SYNE2: variants seen among roughly 807,000 people sequenced by gnomAD.
SYNE2 encodes the protein spectrin repeat containing nuclear envelope protein 2.
SYNE2 carries 431 observed loss-of-function variants against 856.3 expected under a neutral mutation model. That is an observed-to-expected ratio of 0.50 (90% CI 0.47 to 0.55). The LOEUF is 0.55. Among genes scored for constraint, SYNE2 ranks in the 20% least tolerant of loss-of-function variants. The probability of loss-of-function intolerance (pLI) is 0.00; values close to 1 mark genes in which losing one functional copy is unlikely to be tolerated. For missense variants in SYNE2, 8,129 were observed against 8,023.2 expected (o/e 1.01, Z -0.50); for synonymous variants, 2,923 against 2,872.3 (o/e 1.02, Z -0.56).
At chr14:64,104,142 G>A (rs2097755959) in intron 64 of SYNE2, among the ~76,000 whole-genome samples, 1 of 152,112 alleles carries the variant, frequency 6.6e-6, no homozygotes, top group Non-Finnish European at 1.5e-5. Context: ...TTTCCTTGGT[G>A]TTCTACTCCC....
intron 11 of SYNE2, among the ~76,000 whole-genome samples, chr14:63,971,657 G>T (rs2096479307): frequency 6.7e-6 from 1 of 150,174 alleles, no homozygotes; most frequent in African/African-American, 2.5e-5. Context: ...TATTTATCTA[G>T]GTATTTCCCA....
chr14:63,866,100 A>G (rs1368477754), intron 1 of SYNE2, among the ~76,000 whole-genome samples: 1 of 152,124 alleles, frequency 6.6e-6, no homozygotes, highest in Non-Finnish European at 1.5e-5. Flanking sequence ...AGCCCCCAAA[A>G]TACATATAAT....
At chr14:64,126,982 A>C (rs945552178) in intron 73 of SYNE2, among the ~76,000 whole-genome samples, 175 bp downstream of exon 73, 2 of 152,184 alleles carry the variant, frequency 1.3e-5, no homozygotes, top group Non-Finnish European at 2.9e-5. Flanking sequence ...GCCCTGGCCG[A>C]GTGCAGTGGC....
Position 64,190,104 on chromosome 14 carries a change from A to T in SYNE2, c.17905A>T (p.Asn5969Tyr). Residue 5969 changes from asparagine (N) to tyrosine (Y), a missense_variant, in exon 99 of 116, where the codon AAC becomes TAC. Around this residue, in one of 3 missense-constraint regions of SYNE2, gnomAD observed 5,410 missense variants for 5,284.8 expected, o/e 1.02. Coordinates refer to ENST00000555002, the MANE Select transcript of SYNE2 (RefSeq NM_182914.3). Reference sequence around the variant, plus strand: ...GGAAGAAATAAACTTGTTTAGTGAAAACAAGTTACAGTTAAAGCAGATGGG... The same window carrying T: ...GGAAGAAATAAACTTGTTTAGTGAATACAAGTTACAGTTAAAGCAGATGGG... ...CMEEINLFSE[N>Y]KLQLKQMGDQ... 1 of 1,614,148 alleles carries T rather than the reference A, an allele frequency of 6.2e-7. No individual in the cohort carries two copies. The highest frequency in any genetic ancestry group is 8.5e-7 in the Non-Finnish European group (1 of 1,180,036).
In SYNE2 at chr14:64,220,626, A is replaced by G. The variant is rs1489141038; in HGVS notation, c.20050A>G (p.Met6684Val). 3.1e-6 allele frequency: 5 copies of G among 1,613,816 alleles called. No individual in the cohort carries two copies. The African/African-American group carries it at 5.3e-5, about 17-fold the overall frequency. Residue 6684 changes from methionine (M) to valine (V), a missense_variant, in exon 111 of 116, where the codon ATG becomes GTG. Physicochemically the swap from Met to Val is conservative, Grantham distance 21 (BLOSUM62 1). Coordinates refer to ENST00000555002, the MANE Select transcript of SYNE2 (RefSeq NM_182914.3). ...GAGAGGGGGCTTACGACAGTCGCTCATGCAGTGCCAGGTACGCTGACTCAG... is the reference window on the plus strand; with the variant it reads ...GAGAGGGGGCTTACGACAGTCGCTCGTGCAGTGCCAGGTACGCTGACTCAG... ...SWRGGLRQSL[M>V]QCQDFHQLSQ... is the part of the protein sequence containing the mutation.
At chr14:64,191,194 T>A in intron 99 of SYNE2, 1 of 311,372 alleles carries the variant, frequency 3.2e-6, no homozygotes, top group Non-Finnish European at 5.7e-6. Context: ...TATTTAAATT[T>A]AATAATTTAA....
At chr14:63,806,102 T>C (rs1027933480) in intron 1 of SYNE2, among the ~76,000 whole-genome samples, 1 of 152,198 alleles carries the variant, frequency 6.6e-6, no homozygotes, top group African/African-American at 2.4e-5. Flanking sequence ...TTCAGTATGA[T>C]GTTGGCTGTG....
chr14:64,209,360 G>A (rs2098628313), intron 101 of SYNE2, 68 bp from the exon 102 acceptor site: 7 of 1,613,254 alleles, frequency 4.3e-6, no homozygotes, highest in Admixed American at 1.7e-5. Context: ...GGTGTCAGGG[G>A]ATAAAAGAAG....
In SYNE2 at chr14:64,071,446, A is replaced by G. The variant is rs984422420; in HGVS notation, c.10697+536A>G. On this transcript the variant is annotated intron_variant, in intron 52 of 115. Transcript: ENST00000555002. ...AAGGCAGAGCTTGCAGTGAGCCGAG[A>G]TCGCGCCACTGCACTCCAGCCTGGG... Among the ~76,000 whole-genome samples, 3 of 152,238 alleles carry G rather than the reference A, an allele frequency of 2.0e-5. No homozygotes were observed. In the East Asian group the frequency reaches 5.8e-4, roughly 29 times the overall value.
intron 76 of SYNE2, among the ~76,000 whole-genome samples, chr14:64,130,863 G>A (rs1171266329): frequency 7.0e-6 from 1 of 143,756 alleles, no homozygotes; most frequent in Non-Finnish European, 1.5e-5. Context: ...CCAGCCTGGC[G>A]ACACAGCAAG....
chr14:64,089,180 A>G (rs981205924), intron 58 of SYNE2, among the ~76,000 whole-genome samples: 1 of 152,040 alleles, frequency 6.6e-6, no homozygotes, highest in African/African-American at 2.4e-5. Context: ...AGCCTGGCCA[A>G]CATGGCGAAA....
chr14:64,073,921 A>G lies in SYNE2; in HGVS notation c.10698-47A>G, dbSNP rs762045923. 5 of 1,585,836 alleles carry G rather than the reference A, an allele frequency of 3.2e-6. No individual in the cohort carries two copies. The African/African-American group carries it at 5.4e-5, about 17-fold the overall frequency. On this transcript the variant is annotated intron_variant, in intron 52 of 115. Transcript: ENST00000555002. ...AATAAAACTGTTTCATTTTATTCAT[A>G]GAAGAGCAGGATAAAGAAACAATTA...
intron 110 of SYNE2, 37 bp downstream of exon 110, chr14:64,219,447 A>G: frequency 6.2e-7 from 1 of 1,602,186 alleles, no homozygotes; most frequent in South Asian, 1.1e-5. Flanking sequence ...GGGATTCAGA[A>G]TGTGCATGTG....
chr14:63,927,414 A>T (rs948709707), intron 2 of SYNE2, among the ~76,000 whole-genome samples: 1 of 152,068 alleles, frequency 6.6e-6, no homozygotes, highest in Non-Finnish European at 1.5e-5. Context: ...CCCAAATCTC[A>T]TCTTGAATTG....
chr14:64,063,291 T>TC (rs1383901416), intron 50 of SYNE2, among the ~76,000 whole-genome samples: 2 of 152,148 alleles, frequency 1.3e-5, no homozygotes, highest in African/African-American at 4.8e-5. Context: ...CAAGCCATCC[T>TC]CCAGCCTCGG....
intron 79 of SYNE2, among the ~76,000 whole-genome samples, chr14:64,138,912 T>TGTG (rs2098117171): frequency 6.9e-6 from 1 of 144,232 alleles, no homozygotes; most frequent in African/African-American, 2.6e-5. Flanking sequence ...CAAATGCTGG[T>TGTG]TGTGTGTGTG....
intron 57 of SYNE2, chr14:64,084,957 C>T: frequency 1.4e-6 from 1 of 702,306 alleles, no homozygotes; most frequent in African/African-American, 1.7e-5. Flanking sequence ...AGATCTGCTT[C>T]TACTTACAGA....
chr14:64,137,115 C>G (rs1251558261), intron 78 of SYNE2, among the ~76,000 whole-genome samples: 1 of 152,240 alleles, frequency 6.6e-6, no homozygotes, highest in Non-Finnish European at 1.5e-5. Flanking sequence ...TATCTGTGAG[C>G]TCAGCATGGC....
intron 45 of SYNE2, among the ~76,000 whole-genome samples, chr14:64,032,258 C>T (rs981177443): frequency 7.9e-5 from 12 of 152,160 alleles, no homozygotes; most frequent in African/African-American, 2.9e-4. Context: ...TTAAACAAAT[C>T]CCACAGTGTT....
Sources: allele counts gnomAD v4.1 joint callset (sites outside exome capture counted in the v4.1 genomes callset), GRCh38; gene constraint gnomAD v4.1.1; regional missense constraint gnomAD v4.1.1; transcripts MANE v1.5; gene names NCBI Gene and HGNC (gene_info 2026-07-23, HGNC 2026-07-21).